OPCML: variants seen among roughly 807,000 people sequenced by gnomAD.
OPCML encodes opioid-binding protein/cell adhesion molecule.
A neutral mutation model predicts 37.8 loss-of-function variants in OPCML; 13 were observed. The observed-to-expected ratio is 0.34, with a 90% CI of 0.22 to 0.55. The LOEUF (loss-of-function observed/expected upper bound fraction) is 0.55, where lower values mean the gene tolerates loss of function less well. OPCML is among the 20% of genes least tolerant of loss of function. The pLI, the probability that OPCML is intolerant of heterozygous loss-of-function variation, is 0.91. For missense variants in OPCML, 341 were observed against 435.6 expected (o/e 0.78, Z 1.93); for synonymous variants, 176 against 168.8 (o/e 1.04, Z -0.33).
At chr11:133,038,003 G>A (rs1005306654) in intron 1 of OPCML, among the ~76,000 whole-genome samples, 37 of 152,242 alleles carry the variant, frequency 2.4e-4, no homozygotes, top group African/African-American at 8.9e-4. Flanking sequence ...CTACTAGGAG[G>A]AGGATGTGCA....
chr11:132,550,160 C>A (rs2096378159), intron 3 of OPCML, among the ~76,000 whole-genome samples: 1 of 152,160 alleles, frequency 6.6e-6, no homozygotes, highest in African/African-American at 2.4e-5. Flanking sequence ...CTTATACACA[C>A]AAATGGCTCC....
chr11:132,570,869 C>T (rs1268469516), intron 3 of OPCML, among the ~76,000 whole-genome samples: 6 of 146,352 alleles, frequency 4.1e-5, no homozygotes, highest in Non-Finnish European at 9.0e-5. Context: ...TTTCCCTTCT[C>T]TTACATGATG....
intron 2 of OPCML, among the ~76,000 whole-genome samples, chr11:132,697,623 T>C (rs1211969191): frequency 1.3e-5 from 2 of 152,188 alleles, no homozygotes; most frequent in Non-Finnish European, 2.9e-5. Flanking sequence ...CTGAATAATA[T>C]TCCATTGTAT....
intron 2 of OPCML, among the ~76,000 whole-genome samples, chr11:132,677,474 G>C (rs552423719): frequency 6.1e-4 from 93 of 152,220 alleles, no homozygotes; most frequent in Non-Finnish European, 1.0e-3. Context: ...AAATAATAAA[G>C]TTGGAGAACT....
At chr11:133,270,188 T>C (rs540025943) in intron 1 of OPCML, among the ~76,000 whole-genome samples, 84 of 152,324 alleles carry the variant, frequency 5.5e-4, no homozygotes, top group African/African-American at 1.8e-3. Context: ...GATTGATTGA[T>C]TGATTAATAG....
At chr11:133,192,306 T>C (rs1938357398) in intron 1 of OPCML, among the ~76,000 whole-genome samples, 2 of 152,210 alleles carry the variant, frequency 1.3e-5, no homozygotes, top group Admixed American at 6.5e-5. Context: ...ATCTGCAGAT[T>C]GATAGCCCTA....
At chr11:132,921,819 C>T (rs545014760) in intron 2 of OPCML, among the ~76,000 whole-genome samples, 2 of 152,266 alleles carry the variant, frequency 1.3e-5, no homozygotes, top group South Asian at 4.1e-4. Context: ...TGATGGAAAC[C>T]ATTCCTGGAA....
At chr11:133,400,424 T>C (rs943339348) in intron 1 of OPCML, among the ~76,000 whole-genome samples, 11 of 152,220 alleles carry the variant, frequency 7.2e-5, no homozygotes, top group Admixed American at 3.3e-4. Context: ...CGCTAAATTA[T>C]TGGGCAATAA....
At chr11:132,456,325 G>C (rs1463355298) in intron 4 of OPCML, among the ~76,000 whole-genome samples, 7 of 152,196 alleles carry the variant, frequency 4.6e-5, no homozygotes, top group African/African-American at 1.4e-4. Context: ...AAGACCTTGA[G>C]AATTAAATAG....
intron 4 of OPCML, among the ~76,000 whole-genome samples, chr11:132,520,674 A>ATGTGTGTG (rs1555144701): frequency 0.015 from 1,860 of 128,062 alleles, 32 homozygotes; most frequent in African/African-American, 0.046. Context: ...CTAAATATAT[A>ATGTGTGTG]TGTGTGTGTG....
Position 132,459,695 on chromosome 11 carries a change from G to A in OPCML, c.506-22336C>T, listed in dbSNP as rs574560062. Among the ~76,000 whole-genome samples, 282 of 151,454 alleles carry A rather than the reference G, an allele frequency of 1.9e-3. 1 individual carries two copies. Among genetic ancestry groups the A allele is most frequent in the Middle Eastern group, 0.014 (4 of 292 alleles). ...TATGTAGAGGATCTTTATTCACTGC[G>A]ATATGCATATCTTCCAAATGTTGAC... On this transcript the variant is annotated intron_variant, in intron 4 of 7. Transcript: ENST00000524381.
intron 1 of OPCML, among the ~76,000 whole-genome samples, chr11:133,355,540 G>T (rs1302776751): frequency 6.6e-6 from 1 of 152,152 alleles, no homozygotes; most frequent in Admixed American, 6.5e-5. Context: ...AACAGATACA[G>T]GGCTGTGATC....
At chr11:133,305,920 G>C (rs1942902973) in intron 1 of OPCML, among the ~76,000 whole-genome samples, 1 of 152,106 alleles carries the variant, frequency 6.6e-6, no homozygotes, top group Admixed American at 6.6e-5. Flanking sequence ...ATTTGACATT[G>C]GTAAATCTGG....
intron 2 of OPCML, among the ~76,000 whole-genome samples, chr11:132,938,531 C>T (rs1173625572): frequency 6.6e-6 from 1 of 152,220 alleles, no homozygotes. Context: ...CCAGTAATAA[C>T]TTGCACACAT....
At chr11:132,672,095 G>T (rs1441521915) in intron 2 of OPCML, among the ~76,000 whole-genome samples, 1 of 151,950 alleles carries the variant, frequency 6.6e-6, no homozygotes, top group Non-Finnish European at 1.5e-5. Context: ...ACCTCACATT[G>T]CCCTTGCCAT....
chr11:133,417,877 T>C (rs534775499), intron 1 of OPCML, among the ~76,000 whole-genome samples: 1 of 152,240 alleles, frequency 6.6e-6, no homozygotes, highest in East Asian at 1.9e-4. Context: ...AAGAAATATG[T>C]AACTCTTTTT....
chr11:132,540,317 T>A (rs909702853), intron 3 of OPCML, among the ~76,000 whole-genome samples: 1 of 152,198 alleles, frequency 6.6e-6, no homozygotes, highest in African/African-American at 2.4e-5. Context: ...CATTTGTTCA[T>A]CTCAGTATTC....
chr11:132,840,205 A>T (rs1019280884), intron 2 of OPCML, among the ~76,000 whole-genome samples: 1 of 152,196 alleles, frequency 6.6e-6, no homozygotes, highest in Non-Finnish European at 1.5e-5. Context: ...TTTAGCTTGC[A>T]TGTGTAGGGT....
rs150974393 is a variant in OPCML at position 132,955,444 on chromosome 11, C to T, written c.62-12434G>A. 1.6e-4 allele frequency among the ~76,000 whole-genome samples: 24 copies of T among 152,240 alleles called. No individual in the cohort carries two copies. The East Asian group carries it at 4.6e-3, about 29-fold the overall frequency. On this transcript the variant is annotated intron_variant, in intron 1 of 7. Transcript: ENST00000524381. ...ATTGTCATCATCATCATCATCCTAC[C>T]AGCAGCCCAGACACTAGAACATACA...
Sources: gnomAD v4.1 joint callset for allele counts (sites outside exome capture counted in the v4.1 genomes callset) on GRCh38, gnomAD v4.1.1 for gene constraint, MANE v1.5 for transcripts, NCBI Gene and HGNC (gene_info 2026-07-23, HGNC 2026-07-21) for gene names.